The following ZNF462 variants were observed in gnomAD, a reference collection of about 807,000 sequenced individuals.
ZNF462 encodes the protein zinc finger protein 462.
Under a neutral mutation model 201.9 loss-of-function variants are expected in ZNF462, and 10 were observed. That is an observed-to-expected ratio of 0.05 (90% confidence interval 0.03 to 0.08). ZNF462 has a LOEUF of 0.08. Among genes scored for constraint, ZNF462 ranks in the 10% least tolerant of loss-of-function variants. The pLI is 1.00. For synonymous variants in ZNF462, 1,227 were observed against 1,193.3 expected, an observed-to-expected ratio of 1.03 and a Z score of -0.58; for missense variants, 2,523 against 3,168.3, an observed-to-expected ratio of 0.80 and a Z score of 4.89.
chr9:106,887,019 T>C (rs1022004472), intron 1 of ZNF462, among the ~76,000 whole-genome samples: 2 of 152,152 alleles, frequency 1.3e-5, no homozygotes, highest in Non-Finnish European at 2.9e-5. Flanking sequence ...AAACACTTTC[T>C]CCCTTGGTGT....
chr9:107,005,864 G>A lies in ZNF462; in HGVS notation c.7189+2438G>A, dbSNP rs1207118664. ...CATTTTGAGACGATTTTTGTATCTGGTGTGAGATAAGGATCTAATTTCATT... is the reference window on the plus strand; with the variant it reads ...CATTTTGAGACGATTTTTGTATCTGATGTGAGATAAGGATCTAATTTCATT... On this transcript the variant is annotated intron_variant, in intron 11 of 12. Coordinates refer to ENST00000277225, the MANE Select transcript of ZNF462 (RefSeq NM_021224.6). This position sits in a 1 kb window ranked among gnomAD's most constrained non-coding sequence, Gnocchi z 4.4. Among the ~76,000 whole-genome samples, 3 of 152,138 alleles carry A rather than the reference G, an allele frequency of 2.0e-5. No homozygotes were observed. Among genetic ancestry groups the A allele is most frequent in the African/African-American group, 7.2e-5 (3 of 41,428 alleles).
chr9:106,893,904 T>G (rs1208931668), intron 1 of ZNF462, among the ~76,000 whole-genome samples: 1 of 152,222 alleles, frequency 6.6e-6, no homozygotes, highest in Admixed American at 6.5e-5. Flanking sequence ...TGTGAAGTGC[T>G]GCCTACAAAC....
In ZNF462 at chr9:106,930,085, A is replaced by T. The variant is rs1211706563; in HGVS notation, c.5847+326A>T. Among the ~76,000 whole-genome samples, 1 of 152,142 alleles carries T rather than the reference A, an allele frequency of 6.6e-6. No individual in the cohort carries two copies. Among genetic ancestry groups the T allele is most frequent in the Non-Finnish European group, 1.5e-5 (1 of 68,022 alleles). Reference sequence around the variant, plus strand: ...AACAACGCTCGCTCTTTCCTAAGGCAGTGTGGGCTGTCTCTTGGTACCATT... The same window carrying T: ...AACAACGCTCGCTCTTTCCTAAGGCTGTGTGGGCTGTCTCTTGGTACCATT... On this transcript the variant is annotated intron_variant, in intron 3 of 12. Transcript: ENST00000277225. This position sits in a 1 kb window ranked among gnomAD's most constrained non-coding sequence, Gnocchi z 5.8.
At position 106,930,168 on chromosome 9, in the gene ZNF462, A is replaced by G. The variant is rs945220407; in HGVS notation, c.5848-357A>G. 6.6e-6 allele frequency among the ~76,000 whole-genome samples: 1 copy of G among 152,176 alleles called. No individual in the cohort carries two copies. Among genetic ancestry groups the G allele is most frequent in the African/African-American group, 2.4e-5 (1 of 41,450 alleles). ...TTTGCTACATGAACCTAACGTCTCC[A>G]GGAGTAGATTTTATTTTATCAAGAA... On this transcript the variant is annotated intron_variant, in intron 3 of 12. Coordinates refer to ENST00000277225, the MANE Select transcript of ZNF462 (RefSeq NM_021224.6). The surrounding 1 kb of genome is among the most constrained non-coding windows in gnomAD (Gnocchi z 5.8).
rs57577781 is a variant in ZNF462 at position 106,917,848 on chromosome 9, ATATTTATTTATT to A, written c.-30-5472_-30-5461del. Among the ~76,000 whole-genome samples, 1,009 of 145,724 alleles carry A rather than the reference ATATTTATTTATT, an allele frequency of 6.9e-3. 3 individuals carry two copies. The highest frequency in any genetic ancestry group is 9.6e-3 in the Non-Finnish European group (637 of 66,520). ...TATTTTGCTGGTTTATTATTTTTTTATATTTATTTATTTATTTATTTATTTATTTATTTATTT... is the reference window on the plus strand; with the variant it reads ...TATTTTGCTGGTTTATTATTTTTTTATATTTATTTATTTATTTATTTATTT... On this transcript the variant is annotated intron_variant, in intron 1 of 12. Coordinates refer to ENST00000277225, the MANE Select transcript of ZNF462 (RefSeq NM_021224.6). This position sits in a 1 kb window ranked among gnomAD's most constrained non-coding sequence, Gnocchi z 4.5.
At chr9:106,904,344 G>C (rs766306100) in intron 1 of ZNF462, among the ~76,000 whole-genome samples, 2 of 152,138 alleles carry the variant, frequency 1.3e-5, no homozygotes, top group Admixed American at 6.5e-5. Flanking sequence ...TGGTGCTTCT[G>C]TCTCACAGCT....
Position 106,973,954 on chromosome 9 carries a change from T to C in ZNF462, c.6696-183T>C, listed in dbSNP as rs960923260. Among the ~76,000 whole-genome samples, 30 of 152,028 alleles carry C rather than the reference T, an allele frequency of 2.0e-4. 1 individual carries two copies. Among genetic ancestry groups the C allele is most frequent in the Non-Finnish European group, 2.9e-5 (2 of 67,986 alleles). On this transcript the variant is annotated intron_variant, in intron 8 of 12. Transcript: ENST00000277225. ...AAGAAGTTACTACCATTTGACAGTG[T>C]TCAGATTCGGTTGAGTGACCAAGTT... is the stretch of plus-strand genomic sequence containing the variant.
At position 106,935,064 on chromosome 9, in the gene ZNF462, G is replaced by A. The variant is rs145392605; in HGVS notation, c.6117-439G>A. ...AGTAGAATTAGAATTCAAAAAGAAAGTCAGCTCTTTTCAAATGCTAAATTT... is the reference window on the plus strand; with the variant it reads ...AGTAGAATTAGAATTCAAAAAGAAAATCAGCTCTTTTCAAATGCTAAATTT... On this transcript the variant is annotated intron_variant, in intron 5 of 12. Coordinates refer to ENST00000277225, the MANE Select transcript of ZNF462 (RefSeq NM_021224.6). This position sits in a 1 kb window ranked among gnomAD's most constrained non-coding sequence, Gnocchi z 4.1. Among the ~76,000 whole-genome samples, 1 of 152,268 alleles carries A rather than the reference G, an allele frequency of 6.6e-6. No homozygotes were observed. Among genetic ancestry groups the A allele is most frequent in the East Asian group, 1.9e-4 (1 of 5,174 alleles).
At chr9:106,908,942 T>TATATATATATATA (rs71384993) in intron 1 of ZNF462, among the ~76,000 whole-genome samples, 16 of 16,682 alleles carry the variant, frequency 9.6e-4, no homozygotes, top group South Asian at 2.8e-3. Flanking sequence ...TATATATATA[T>TATATATATATATA]TTTTTTTTTT....
In ZNF462 at chr9:106,917,185, C is replaced by T. The variant is rs997871679; in HGVS notation, c.-30-6169C>T. Among the ~76,000 whole-genome samples the T allele has an allele frequency of 2.0e-5, 3 of 152,230 alleles. No individual in the cohort carries two copies. Among genetic ancestry groups the T allele is most frequent in the Non-Finnish European group, 4.4e-5 (3 of 68,032 alleles). ...CTCAGCCGGAATGACTTCTTATTTA[C>T]ATATCCAACATTTTTAGCCACTTGG... On this transcript the variant is annotated intron_variant, in intron 1 of 12. Coordinates refer to ENST00000277225, the MANE Select transcript of ZNF462 (RefSeq NM_021224.6). This position sits in a 1 kb window ranked among gnomAD's most constrained non-coding sequence, Gnocchi z 4.5.
intron 1 of ZNF462, among the ~76,000 whole-genome samples, chr9:106,873,362 A>G (rs1827682377): frequency 6.6e-6 from 1 of 152,096 alleles, no homozygotes; most frequent in African/African-American, 2.4e-5. Context: ...AATTATATCA[A>G]ACTCAGAAAA....
intron 1 of ZNF462, among the ~76,000 whole-genome samples, chr9:106,894,244 A>C (rs750124603): frequency 6.6e-6 from 1 of 152,154 alleles, no homozygotes; most frequent in Non-Finnish European, 1.5e-5. Flanking sequence ...GTTCAAAACA[A>C]CCCTTGTTGG....
At position 106,935,834 on chromosome 9, in the gene ZNF462, C is replaced by T. The variant is rs891256401; in HGVS notation, c.6235+213C>T. On this transcript the variant is annotated intron_variant, in intron 6 of 12. Transcript: ENST00000277225. This position sits in a 1 kb window ranked among gnomAD's most constrained non-coding sequence, Gnocchi z 4.1. Reference sequence around the variant, plus strand: ...CACCTAAATCCAAAATAATACAAAGCCTATGTCACCCATGTTATGGTTAGT... The same window carrying T: ...CACCTAAATCCAAAATAATACAAAGTCTATGTCACCCATGTTATGGTTAGT... 6.6e-6 allele frequency among the ~76,000 whole-genome samples: 1 copy of T among 152,110 alleles called. No individual in the cohort carries two copies.
Position 106,883,483 on chromosome 9 carries a change from C to A in ZNF462, c.-31+20128C>A, listed in dbSNP as rs1008096012. Among the ~76,000 whole-genome samples, 15 of 152,160 alleles carry A rather than the reference C, an allele frequency of 9.9e-5. No individual in the cohort carries two copies. The highest frequency in any genetic ancestry group is 3.6e-4 in the African/African-American group (15 of 41,434). ...TTAATCCTCACATTTTATCCCAGTT[C>A]ATTCTAAGGAGTTGCATTTTCCCCA... On this transcript the variant is annotated intron_variant, in intron 1 of 12. Transcript: ENST00000277225. The surrounding 1 kb of genome is among the most constrained non-coding windows in gnomAD (Gnocchi z 4.9).
At position 106,950,078 on chromosome 9, in the gene ZNF462, A is replaced by G. The variant is rs1398067350; in HGVS notation, c.6427+10971A>G. On this transcript the variant is annotated intron_variant, in intron 7 of 12. Coordinates refer to ENST00000277225, the MANE Select transcript of ZNF462 (RefSeq NM_021224.6). This position sits in a 1 kb window ranked among gnomAD's most constrained non-coding sequence, Gnocchi z 4.1. The stretch of plus-strand genomic sequence containing the variant: ...TCGTCCCCTCGTCCTCTGGTTTCCA[A>G]CTTACCAGACTCCAACCCTGAATAA... Among the ~76,000 whole-genome samples the G allele has an allele frequency of 6.6e-6, 1 of 152,016 alleles. No individual in the cohort carries two copies. Among genetic ancestry groups the G allele is most frequent in the East Asian group, 1.9e-4 (1 of 5,172 alleles).
At chr9:106,904,472 A>G (rs1829183833) in intron 1 of ZNF462, among the ~76,000 whole-genome samples, 1 of 152,172 alleles carries the variant, frequency 6.6e-6, no homozygotes, top group African/African-American at 2.4e-5. Flanking sequence ...TTGGCTGTCT[A>G]GGTCTCTCAC....
chr9:106,861,032 C>A (rs1827051833), upstream of ZNF462, among the ~76,000 whole-genome samples: 1 of 152,090 alleles, frequency 6.6e-6, no homozygotes, highest in Non-Finnish European at 1.5e-5. Context: ...TCCCTCTCCT[C>A]GCCTTTCCTC....
In ZNF462 at chr9:106,932,162, G is replaced by A; in HGVS notation, c.6013-284G>A. 2.7e-6 allele frequency: 4 copies of A among 1,489,554 alleles called. No homozygotes were observed. Among genetic ancestry groups the A allele is most frequent in the South Asian group, 1.3e-5 (1 of 74,582 alleles). 92.3% of individuals were successfully genotyped at this position (1,489,554 alleles called of 1,614,324 possible). A position where few individuals can be genotyped will look rare whatever the true frequency, so the allele number is the denominator to read the frequency against. On this transcript the variant is annotated intron_variant, in intron 4 of 12. Transcript: ENST00000277225. The surrounding 1 kb of genome is among the most constrained non-coding windows in gnomAD (Gnocchi z 6.8). ...GGAGGAAGCTTTGACAAGAAGTGCT[G>A]TTGAGTTTGGGAGAATGTAGGGAGA...
intron 1 of ZNF462, among the ~76,000 whole-genome samples, chr9:106,882,354 T>C (rs1288873565): frequency 6.6e-6 from 1 of 152,240 alleles, no homozygotes; most frequent in Non-Finnish European, 1.5e-5. Flanking sequence ...CCTAAATATC[T>C]GTTCCTTAAA....
Sources: allele counts gnomAD v4.1 joint callset (sites outside exome capture counted in the v4.1 genomes callset), GRCh38; gene constraint gnomAD v4.1.1; non-coding constraint Gnocchi (gnomAD v3.1); transcripts MANE v1.5; gene names NCBI Gene and HGNC (gene_info 2026-07-23, HGNC 2026-07-21).